The following RBPMS variants were observed in gnomAD, a reference collection of about 807,000 sequenced individuals.
The protein encoded by RBPMS is RNA-binding protein with multiple splicing.
RBPMS carries 7 observed loss-of-function variants against 26.8 expected under a neutral mutation model. That is an observed-to-expected ratio of 0.26 (90% CI 0.15 to 0.49). The LOEUF is 0.49. RBPMS is among the 20% of genes least tolerant of loss of function. The pLI, the probability that RBPMS is intolerant of heterozygous loss-of-function variation, is 0.98. For synonymous variants in RBPMS, 96 were observed against 93.3 expected, an observed-to-expected ratio of 1.03 and a Z score of -0.17; for missense variants, 186 against 250.0, an observed-to-expected ratio of 0.74 and a Z score of 1.73.
At chr8:30,461,078 G>C (rs1356997344) in intron 1 of RBPMS, among the ~76,000 whole-genome samples, 2 of 150,728 alleles carry the variant, frequency 1.3e-5, no homozygotes, top group African/African-American at 4.9e-5. Flanking sequence ...ACGGGAAAAA[G>C]ACCAGTCTTC....
chr8:30,536,694 G>T lies in RBPMS; in HGVS notation c.398-7800G>T, dbSNP rs188548492. On this transcript the variant is annotated intron_variant, in intron 5 of 8. Coordinates refer to ENST00000397323, the MANE Select transcript of RBPMS (RefSeq NM_001008710.3). ...AATCATAGATTCAAGTTGCCCTGAA[G>T]ATATACTTCCTGAAACACTTTTTTT... Among the ~76,000 whole-genome samples, 146 of 152,196 alleles carry T rather than the reference G, an allele frequency of 9.6e-4. 1 individual carries two copies. Among genetic ancestry groups the T allele is most frequent in the Admixed American group, 2.5e-3 (38 of 15,280 alleles).
At chr8:30,393,300 A>G (rs1394231068) in intron 1 of RBPMS, among the ~76,000 whole-genome samples, 3 of 151,608 alleles carry the variant, frequency 2.0e-5, no homozygotes, top group East Asian at 1.9e-4. Flanking sequence ...CAAACTTGCC[A>G]TTAATTCCCA....
chr8:30,440,222 C>T (rs2150703648), intron 1 of RBPMS, among the ~76,000 whole-genome samples: 1 of 152,314 alleles, frequency 6.6e-6, no homozygotes, highest in South Asian at 2.1e-4. Context: ...AGCCACTGTG[C>T]TGAGCCCTAG....
At chr8:30,493,763 G>A (rs537888272) in intron 4 of RBPMS, among the ~76,000 whole-genome samples, 2 of 152,252 alleles carry the variant, frequency 1.3e-5, no homozygotes, top group East Asian at 3.9e-4. Context: ...TGAGAACATA[G>A]TGGCAAAAGT....
intron 1 of RBPMS, among the ~76,000 whole-genome samples, chr8:30,459,914 T>C (rs941269864): frequency 6.6e-6 from 1 of 152,214 alleles, no homozygotes; most frequent in African/African-American, 2.4e-5. Flanking sequence ...TTGTCTTTTG[T>C]TGTTTCCAGC....
intron 1 of RBPMS, among the ~76,000 whole-genome samples, chr8:30,420,661 A>C (rs1810667224): frequency 6.6e-6 from 1 of 152,202 alleles, no homozygotes; most frequent in South Asian, 2.1e-4. Flanking sequence ...CTTTATCGGG[A>C]GGCTTCTTCA....
At chr8:30,425,799 T>A (rs1811287890) in intron 1 of RBPMS, among the ~76,000 whole-genome samples, 1 of 152,090 alleles carries the variant, frequency 6.6e-6, no homozygotes, top group African/African-American at 2.4e-5. Context: ...TTTACAGACA[T>A]TAACTTCCTA....
intron 1 of RBPMS, among the ~76,000 whole-genome samples, chr8:30,454,581 T>C (rs1276971093): frequency 6.6e-6 from 1 of 152,248 alleles, no homozygotes; most frequent in Non-Finnish European, 1.5e-5. Flanking sequence ...TTACATAGTT[T>C]ATGTACCATC....
chr8:30,392,192 AG>A (rs1238921734), intron 1 of RBPMS, among the ~76,000 whole-genome samples: 1 of 152,162 alleles, frequency 6.6e-6, no homozygotes, highest in Admixed American at 6.5e-5. Flanking sequence ...GAAGGGATGG[AG>A]CTGTGTCACA....
chr8:30,441,580 G>A (rs188385106), intron 1 of RBPMS, among the ~76,000 whole-genome samples: 1 of 152,080 alleles, frequency 6.6e-6, no homozygotes, highest in East Asian at 1.9e-4. Flanking sequence ...GATGGATAAG[G>A]TGGTAGATCT....
At chr8:30,415,232 T>C (rs926505610) in intron 1 of RBPMS, among the ~76,000 whole-genome samples, 8 of 152,174 alleles carry the variant, frequency 5.3e-5, no homozygotes, top group African/African-American at 1.9e-4. Flanking sequence ...TCAACAATTC[T>C]ACTTTCCAAA....
Position 30,454,102 on chromosome 8 carries a change from TATC to T in RBPMS, c.67-20673_67-20671del, listed in dbSNP as rs1814925991. Among the ~76,000 whole-genome samples the T allele has an allele frequency of 3.9e-5, 6 of 152,198 alleles. No homozygotes were observed. The South Asian group carries it at 6.2e-4, about 16-fold the overall frequency. Reference sequence around the variant, plus strand: ...TTCTGATTATATTTTTTTGAACTCATATCATCCCTTTTGTTTTCTTGAACATAC... The same window carrying T: ...TTCTGATTATATTTTTTTGAACTCATATCCCTTTTGTTTTCTTGAACATAC... On this transcript the variant is annotated intron_variant, in intron 1 of 8. Transcript: ENST00000397323.
intron 7 of RBPMS, chr8:30,565,660 T>A (rs1476442291): frequency 6.6e-6 from 1 of 152,282 alleles, no homozygotes; most frequent in Admixed American, 6.5e-5. Context: ...TAGCCAGATA[T>A]CTTCACAAAT....
At chr8:30,441,531 C>T (rs1252616360) in intron 1 of RBPMS, among the ~76,000 whole-genome samples, 1 of 152,088 alleles carries the variant, frequency 6.6e-6, no homozygotes, top group African/African-American at 2.4e-5. Context: ...TGTTTCTTGC[C>T]CATTAATGGA....
intron 5 of RBPMS, among the ~76,000 whole-genome samples, chr8:30,526,693 T>G (rs961895502): frequency 3.3e-5 from 5 of 152,178 alleles, no homozygotes; most frequent in African/African-American, 1.2e-4. Flanking sequence ...AAGACTGACT[T>G]CATTCAGGAA....
chr8:30,391,831 G>C (rs1010194813), intron 1 of RBPMS, among the ~76,000 whole-genome samples: 11 of 152,234 alleles, frequency 7.2e-5, no homozygotes, highest in Admixed American at 3.3e-4. Context: ...GTTGCTGATA[G>C]CAGGAAAAAG....
At chr8:30,535,510 A>C (rs1450655737) in intron 5 of RBPMS, among the ~76,000 whole-genome samples, 1 of 152,330 alleles carries the variant, frequency 6.6e-6, no homozygotes. Flanking sequence ...ACCTGTCCCA[A>C]CTAAGAGTCC....
chr8:30,418,455 A>G (rs1350741931), intron 1 of RBPMS, among the ~76,000 whole-genome samples: 1 of 152,116 alleles, frequency 6.6e-6, no homozygotes, highest in East Asian at 1.9e-4. Flanking sequence ...TATTTTTCTT[A>G]TTAAAGAAGT....
intron 1 of RBPMS, among the ~76,000 whole-genome samples, chr8:30,437,030 C>T (rs1429678128): frequency 6.6e-6 from 1 of 150,522 alleles, no homozygotes; most frequent in Non-Finnish European, 1.5e-5. Context: ...TCACGCCATT[C>T]TTCTGCCTCA....
Sources: gnomAD v4.1 joint callset for allele counts (sites outside exome capture counted in the v4.1 genomes callset) on GRCh38, gnomAD v4.1.1 for gene constraint, MANE v1.5 for transcripts, NCBI Gene and HGNC (gene_info 2026-07-23, HGNC 2026-07-21) for gene names.